Variants in NRG1 observed in about 807,000 individuals in gnomAD.
NRG1 encodes the protein pro-neuregulin-1, membrane-bound isoform.
In NRG1, 18 loss-of-function variants were observed where a neutral mutation model predicts 63.8. That is an observed-to-expected ratio of 0.28 (90% CI 0.19 to 0.42). The LOEUF (loss-of-function observed/expected upper bound fraction) is 0.42. Ranked by LOEUF, NRG1 falls within the 10% of genes least tolerant of loss-of-function variation. The pLI is 1.00. For missense variants in NRG1, 762 were observed against 814.7 expected (o/e 0.94, Z 0.79); for synonymous variants, 302 against 301.3 (o/e 1.00, Z -0.02).
intron 1 of NRG1, among the ~76,000 whole-genome samples, chr8:32,077,923 G>A (rs756049735): frequency 2.0e-5 from 3 of 152,118 alleles, no homozygotes; most frequent in Admixed American, 6.6e-5. Context: ...CTCTCCATCA[G>A]AGAGACCAAC....
chr8:32,517,138 A>C (rs1405466508), intron 1 of NRG1, among the ~76,000 whole-genome samples: 2 of 152,142 alleles, frequency 1.3e-5, no homozygotes, highest in African/African-American at 2.4e-5. Flanking sequence ...CTTTGTGGTT[A>C]CCCTGAGAAG....
chr8:31,705,867 G>A (rs921354187), intron 1 of NRG1, among the ~76,000 whole-genome samples: 2 of 152,176 alleles, frequency 1.3e-5, no homozygotes, highest in African/African-American at 2.4e-5. Context: ...TAATGCCCAA[G>A]TAAAAACAAT....
At chr8:32,368,628 T>C (rs1040418687) in intron 1 of NRG1, among the ~76,000 whole-genome samples, 34 of 152,194 alleles carry the variant, frequency 2.2e-4, no homozygotes, top group African/African-American at 8.2e-4. Flanking sequence ...ATTTAGCTTG[T>C]TCAAGTGTAG....
intron 1 of NRG1, among the ~76,000 whole-genome samples, chr8:32,165,407 G>A (rs1839294024): frequency 6.6e-6 from 1 of 152,102 alleles, no homozygotes; most frequent in South Asian, 2.1e-4. Context: ...CCCTCCCAAA[G>A]TGCTGGGATT....
At chr8:31,661,585 C>A (rs1347740019) in intron 1 of NRG1, among the ~76,000 whole-genome samples, 1 of 152,120 alleles carries the variant, frequency 6.6e-6, no homozygotes, top group East Asian at 1.9e-4. Flanking sequence ...TTTGTGGGTA[C>A]ATAGGAATGA....
intron 5 of NRG1, among the ~76,000 whole-genome samples, chr8:32,653,834 A>G (rs535882246): frequency 1.3e-5 from 2 of 152,286 alleles, no homozygotes; most frequent in Admixed American, 1.3e-4. Flanking sequence ...CTTAAACTGA[A>G]TAAAGACATG....
chr8:31,750,585 A>T (rs1021441092), intron 1 of NRG1, among the ~76,000 whole-genome samples: 1 of 151,902 alleles, frequency 6.6e-6, no homozygotes, highest in Non-Finnish European at 1.5e-5. Context: ...GACCTTTAGG[A>T]TTCTGATGCA....
chr8:32,030,137 A>G (rs766342582), intron 1 of NRG1, among the ~76,000 whole-genome samples: 14 of 152,206 alleles, frequency 9.2e-5, no homozygotes, highest in Non-Finnish European at 2.1e-4. Flanking sequence ...ACTATGACTC[A>G]TTGATACATT....
intron 1 of NRG1, among the ~76,000 whole-genome samples, chr8:32,557,597 A>G (rs1835430150): frequency 6.6e-6 from 1 of 152,186 alleles, no homozygotes; most frequent in African/African-American, 2.4e-5. Flanking sequence ...AAAAATATTG[A>G]AGGCTGGTAT....
chr8:31,854,674 T>G (rs956579895), intron 1 of NRG1, among the ~76,000 whole-genome samples: 2 of 152,216 alleles, frequency 1.3e-5, no homozygotes, highest in Non-Finnish European at 2.9e-5. Context: ...TGTTTGCTCT[T>G]GCTTTTCTAG....
chr8:32,563,775 C>G (rs2129527401), intron 1 of NRG1, among the ~76,000 whole-genome samples: 2 of 152,150 alleles, frequency 1.3e-5, no homozygotes, highest in South Asian at 4.2e-4. Context: ...GGCTCTGTTT[C>G]ATTTCCAGAG....
intron 1 of NRG1, among the ~76,000 whole-genome samples, chr8:31,794,824 A>G (rs1478567715): frequency 6.6e-6 from 1 of 152,100 alleles, no homozygotes; most frequent in Non-Finnish European, 1.5e-5. Flanking sequence ...ATTCTTTATG[A>G]TGGAGTCCCA....
chr8:32,431,738 G>A (rs1349337567), intron 1 of NRG1, among the ~76,000 whole-genome samples: 1 of 144,086 alleles, frequency 6.9e-6, no homozygotes, highest in African/African-American at 2.5e-5. Flanking sequence ...AATCTCTCAG[G>A]GTTTTTTTTT....
chr8:32,283,080 A>T (rs1005660502), intron 1 of NRG1, among the ~76,000 whole-genome samples: 2 of 152,284 alleles, frequency 1.3e-5, no homozygotes, highest in Non-Finnish European at 2.9e-5. Flanking sequence ...GTGAATTTCT[A>T]AGTTTCCTGG....
chr8:31,736,349 T>C (rs1814660637), intron 1 of NRG1, among the ~76,000 whole-genome samples: 1 of 152,168 alleles, frequency 6.6e-6, no homozygotes, highest in Non-Finnish European at 1.5e-5. Flanking sequence ...CTGACTTCCC[T>C]GCATGAGCTA....
chr8:31,731,712 T>C (rs111388251), intron 1 of NRG1, among the ~76,000 whole-genome samples: 6 of 152,292 alleles, frequency 3.9e-5, no homozygotes, highest in African/African-American at 1.2e-4. Flanking sequence ...AGCATAAATA[T>C]TTCAGGAAAT....
At chr8:32,533,754 C>T (rs1190694090) in intron 1 of NRG1, among the ~76,000 whole-genome samples, 1 of 151,978 alleles carries the variant, frequency 6.6e-6, no homozygotes, top group East Asian at 1.9e-4. Flanking sequence ...AAAGTGATAA[C>T]GATTCCAATA....
At chr8:31,690,111 C>A (rs571387665) in intron 1 of NRG1, among the ~76,000 whole-genome samples, 5 of 152,268 alleles carry the variant, frequency 3.3e-5, no homozygotes, top group African/African-American at 9.6e-5. Context: ...TTCTAAGGGG[C>A]TTTTCCTCCT....
At chr8:31,722,893 T>C (rs1009917923) in intron 1 of NRG1, among the ~76,000 whole-genome samples, 4 of 152,076 alleles carry the variant, frequency 2.6e-5, no homozygotes, top group African/African-American at 9.7e-5. Context: ...CTCTGTAGGG[T>C]GATTGATCAG....
Sources: allele counts gnomAD v4.1 joint callset (sites outside exome capture counted in the v4.1 genomes callset), GRCh38; gene constraint gnomAD v4.1.1; transcripts MANE v1.5; gene names NCBI Gene and HGNC (gene_info 2026-07-23, HGNC 2026-07-21).